VWA3B: variants seen among roughly 807,000 people sequenced by gnomAD.
The protein encoded by VWA3B is von Willebrand factor A domain containing 3B, also known as von Willebrand factor A domain-containing protein 3B.
In VWA3B, 138 loss-of-function variants were observed where a neutral mutation model predicts 158.3. The observed-to-expected ratio is 0.87, with a 90% CI of 0.76 to 1.00. The LOEUF (loss-of-function observed/expected upper bound fraction) is 1.00. Ranked by LOEUF, VWA3B falls within the 50% of genes least tolerant of loss-of-function variation. The pLI, the probability that VWA3B is intolerant of heterozygous loss-of-function variation, is 0.00. For synonymous variants in VWA3B, 596 were observed against 587.3 expected (o/e 1.01, Z -0.21); for missense variants, 1,555 against 1,565.1 (o/e 0.99, Z 0.11).
At chr2:98,145,919 T>C (rs1383044689) in intron 7 of VWA3B, among the ~76,000 whole-genome samples, 1 of 152,006 alleles carries the variant, frequency 6.6e-6, no homozygotes, top group African/African-American at 2.4e-5. Flanking sequence ...GGGTTGGGTT[T>C]TGGGGGGATC....
At chr2:98,304,943 C>T (rs532852419) in intron 26 of VWA3B, among the ~76,000 whole-genome samples, 15 of 152,228 alleles carry the variant, frequency 9.9e-5, no homozygotes, top group African/African-American at 3.6e-4. Flanking sequence ...CTCAACGTCC[C>T]CACTCTCCTG....
chr2:98,288,433 T>C (rs1689291616), intron 22 of VWA3B, among the ~76,000 whole-genome samples: 1 of 152,194 alleles, frequency 6.6e-6, no homozygotes, highest in Non-Finnish European at 1.5e-5. Context: ...ACTTGGGCAA[T>C]GGTTTACATT....
intron 19 of VWA3B, among the ~76,000 whole-genome samples, chr2:98,242,018 G>A (rs1468494794): frequency 6.6e-6 from 1 of 152,102 alleles, no homozygotes; most frequent in African/African-American, 2.4e-5. Context: ...CCTTTTTGAT[G>A]TTTGGACTTT....
intron 11 of VWA3B, 37 bp from the exon 12 acceptor site, chr2:98,194,324 A>G (rs1256875605): frequency 1.2e-6 from 2 of 1,600,426 alleles, no homozygotes; most frequent in African/African-American, 2.7e-5. Flanking sequence ...CTAACATCTG[A>G]GTGGTTTTAT....
chr2:98,178,975 C>T (rs905807244), intron 8 of VWA3B, among the ~76,000 whole-genome samples: 8 of 152,188 alleles, frequency 5.3e-5, no homozygotes, highest in African/African-American at 1.9e-4. Flanking sequence ...GGGCCAAAAT[C>T]TCAGGGTCCT....
intron 22 of VWA3B, among the ~76,000 whole-genome samples, chr2:98,280,064 C>G (rs1488052562): frequency 1.3e-5 from 2 of 152,230 alleles, no homozygotes; most frequent in East Asian, 1.9e-4. Context: ...CCAAGTGTGG[C>G]TTTTGTTCAT....
At chr2:98,138,018 G>C (rs985980407) in intron 7 of VWA3B, among the ~76,000 whole-genome samples, 1 of 152,078 alleles carries the variant, frequency 6.6e-6, no homozygotes. Flanking sequence ...GGTACACATC[G>C]CATTGCTCCC....
intron 2 of VWA3B, among the ~76,000 whole-genome samples, chr2:98,114,305 C>T (rs184727385): frequency 2.6e-5 from 4 of 152,310 alleles, no homozygotes; most frequent in African/African-American, 9.6e-5. Flanking sequence ...GAGAATGCTG[C>T]TAGTGATATT....
At chr2:98,218,151 A>C (rs942184026) in intron 14 of VWA3B, 123 bp downstream of exon 14, 1 of 1,118,618 alleles carries the variant, frequency 8.9e-7, no homozygotes. Context: ...CAAAAAAATG[A>C]GTCGCTTAAC....
intron 19 of VWA3B, among the ~76,000 whole-genome samples, chr2:98,247,157 C>T (rs1445242545): frequency 1.3e-5 from 2 of 151,924 alleles, no homozygotes; most frequent in African/African-American, 4.8e-5. Context: ...GCCACCTCCC[C>T]CAGCTAATTT....
In VWA3B at chr2:98,192,949, T is replaced by A; in HGVS notation, c.1518T>A (p.Asn506Lys). ...GSQSLFGRLH[N>K]DCIYILIDTS... Reference sequence around the variant, plus strand: ...AAAGCCTCTTTGGAAGATTGCATAATGATTGCATCTACATTCTCATTGACA... The same window carrying A: ...AAAGCCTCTTTGGAAGATTGCATAAAGATTGCATCTACATTCTCATTGACA... Residue 506 changes from asparagine to lysine, a missense_variant, in exon 11 of 28, where the codon AAT (asparagine) becomes AAA (lysine). By Grantham distance (94) the Asn-to-Lys change is moderately conservative. Transcript: ENST00000477737. The A allele has an allele frequency of 6.2e-7, 1 of 1,614,194 alleles. No homozygotes were observed. Among genetic ancestry groups the A allele is most frequent in the African/African-American group, 1.3e-5 (1 of 75,056 alleles).
intron 17 of VWA3B, among the ~76,000 whole-genome samples, chr2:98,236,074 A>G (rs1685657488): frequency 6.6e-6 from 1 of 152,210 alleles, no homozygotes; most frequent in African/African-American, 2.4e-5. Flanking sequence ...CAAAAGGTCA[A>G]TATTGAACAA....
intron 7 of VWA3B, among the ~76,000 whole-genome samples, chr2:98,136,215 T>A (rs549201443): frequency 1.3e-5 from 2 of 152,318 alleles, no homozygotes; most frequent in Non-Finnish European, 2.9e-5. Context: ...AAATGTTTTT[T>A]AAAAAATTAT....
intron 21 of VWA3B, among the ~76,000 whole-genome samples, chr2:98,259,568 TG>T (rs1417238123): frequency 1.3e-5 from 2 of 151,792 alleles, no homozygotes; most frequent in Non-Finnish European, 3.0e-5. Context: ...TTTTTATTTT[TG>T]TAAGCTGAAT....
chr2:98,106,817 CTTAT>C (rs1482915139), intron 2 of VWA3B, among the ~76,000 whole-genome samples: 1 of 152,038 alleles, frequency 6.6e-6, no homozygotes, highest in African/African-American at 2.4e-5. Context: ...GAGGAAAAGT[CTTAT>C]TTCTTTCTTT....
intron 12 of VWA3B, among the ~76,000 whole-genome samples, chr2:98,196,888 G>A (rs373703728): frequency 1.1e-4 from 16 of 152,106 alleles, no homozygotes; most frequent in African/African-American, 2.9e-4. Context: ...AAAGTAGTAC[G>A]GAGCGTTCAC....
intron 22 of VWA3B, among the ~76,000 whole-genome samples, chr2:98,281,899 A>G (rs1284589394): frequency 1.3e-5 from 2 of 152,184 alleles, no homozygotes; most frequent in African/African-American, 2.4e-5. Flanking sequence ...GAGTCTAAAC[A>G]TATGTTGGCT....
intron 20 of VWA3B, among the ~76,000 whole-genome samples, chr2:98,252,031 C>T (rs1367209941): frequency 6.6e-6 from 1 of 152,178 alleles, no homozygotes; most frequent in African/African-American, 2.4e-5. Flanking sequence ...CCTCCCAGCT[C>T]GGCTCCTCTC....
Position 98,188,131 on chromosome 2 carries a change from T to C in VWA3B, c.1466+2T>C, listed in dbSNP as rs1397000040. 1.7e-5 allele frequency: 28 copies of C among 1,607,274 alleles called. No individual in the cohort carries two copies. The highest frequency in any genetic ancestry group is 2.4e-5 in the Non-Finnish European group (28 of 1,176,624). Reference sequence around the variant, plus strand: ...AGCCCTGGCCCGGATCCGAAGGAGGTTGGTGTTATTTGCAGGAAGTTACAA... The same window carrying C: ...AGCCCTGGCCCGGATCCGAAGGAGGCTGGTGTTATTTGCAGGAAGTTACAA... On this transcript the variant is annotated splice_donor_variant, in intron 10 of 27. Coordinates refer to ENST00000477737, the MANE Select transcript of VWA3B (RefSeq NM_144992.5). LOFTEE classifies it high-confidence loss of function.
Sources: allele counts gnomAD v4.1 joint callset (sites outside exome capture counted in the v4.1 genomes callset), GRCh38; gene constraint gnomAD v4.1.1; transcripts MANE v1.5; gene names NCBI Gene and HGNC (gene_info 2026-07-23, HGNC 2026-07-21).